The following FAM83B variants were observed in gnomAD, a reference collection of about 807,000 sequenced individuals.
FAM83B encodes scaffolding CK1 anchoring protein B.
Under a neutral mutation model 38.8 loss-of-function variants are expected in FAM83B, and 26 were observed. That is an observed-to-expected ratio of 0.67 (90% CI 0.49 to 0.93). FAM83B has a LOEUF of 0.93. Among genes scored for constraint, FAM83B ranks in the 40% least tolerant of loss-of-function variants. FAM83B has a pLI of 0.00. For missense variants in FAM83B, 1,237 were observed against 1,197.3 expected, an observed-to-expected ratio of 1.03 and a Z score of -0.49; for synonymous variants, 419 against 423.1, an observed-to-expected ratio of 0.99 and a Z score of 0.12.
intron 2 of FAM83B, among the ~76,000 whole-genome samples, chr6:54,912,942 A>G (rs899937923): frequency 2.0e-5 from 3 of 152,092 alleles, no homozygotes; most frequent in African/African-American, 7.2e-5. Context: ...ATTACATTAA[A>G]TACAAAATTG....
At chr6:54,867,002 A>G (rs924561012) in intron 1 of FAM83B, among the ~76,000 whole-genome samples, 3 of 151,866 alleles carry the variant, frequency 2.0e-5, no homozygotes, top group African/African-American at 7.2e-5. Context: ...ATGGATTTGT[A>G]AGGCCACTTT....
chr6:54,924,785 C>A (rs970416296), intron 2 of FAM83B, among the ~76,000 whole-genome samples: 1 of 152,004 alleles, frequency 6.6e-6, no homozygotes, highest in Non-Finnish European at 1.5e-5. Flanking sequence ...CTCTTTTCAT[C>A]CCTGACACTA....
chr6:54,944,039 T>A lies in FAM83B; in HGVS notation c.*2032T>A, dbSNP rs1358537847. The A allele has an allele frequency of 6.6e-6, 1 of 152,196 alleles. No individual in the cohort carries two copies. The highest frequency in any genetic ancestry group is 1.5e-5 in the Non-Finnish European group (1 of 68,034). 9.4% of individuals were successfully genotyped at this position (152,196 alleles called of 1,614,324 possible). On this transcript the variant is annotated 3_prime_UTR_variant, in exon 5 of 5. Transcript: ENST00000306858. ...GTGACTTAGGCTTTGCACAGCAGATTTATTTTTCTCTGCGTTTTTTAAAAA... is the reference window on the plus strand; with the variant it reads ...GTGACTTAGGCTTTGCACAGCAGATATATTTTTCTCTGCGTTTTTTAAAAA...
rs150401754 is a variant in FAM83B, at chr6:54,896,324, G to A, written c.444+25634G>A. Among the ~76,000 whole-genome samples, 752 of 152,214 alleles carry A rather than the reference G, an allele frequency of 4.9e-3. 3 individuals are homozygous for A. Among genetic ancestry groups the A allele is most frequent in the Admixed American group, 7.6e-3 (116 of 15,292 alleles). ...TTGGCTACCTTGTAGCATCCATCTC[G>A]AATGATGCAAAAAACAAGAAATGAA... is the stretch of plus-strand genomic sequence containing the variant. On this transcript the variant is annotated intron_variant, in intron 2 of 4. Coordinates refer to ENST00000306858, the MANE Select transcript of FAM83B (RefSeq NM_001010872.3).
Position 54,941,409 on chromosome 6 carries a change from A to T in FAM83B, c.2438A>T (p.Glu813Val). ...SSDTLVSEGE[E>V]NQKPKKSDTK... ...GACACATTAGTTTCTGAGGGTGAAG[A>T]AAATCAAAAACCAAAGAAATCAGAC... Residue 813 changes from glutamate to valine, a missense_variant, in exon 5 of 5, where the codon GAA becomes GTA. Transcript: ENST00000306858. 1 of 1,613,144 alleles carries T rather than the reference A, an allele frequency of 6.2e-7. No homozygotes were observed. Among genetic ancestry groups the T allele is most frequent in the Non-Finnish European group, 8.5e-7 (1 of 1,179,814 alleles).
Position 54,940,028 on chromosome 6 carries a change from A to G in FAM83B, c.1057A>G (p.Ile353Val), listed in dbSNP as rs1409532827. Reference protein sequence around the residue: ...YTLNEHDKYNIRSHGYKPHFV... With the variant: ...YTLNEHDKYNVRSHGYKPHFV... ...TTTAAATGAACATGACAAATATAAC[A>G]TAAGAAGTCACGGATACAAACCTCA... The change falls in exon 5 of 5, where the codon ATA (isoleucine) becomes GTA (valine). Residue 353 changes from isoleucine to valine, a missense_variant. Transcript: ENST00000306858. 1 of 1,614,040 alleles carries G rather than the reference A, an allele frequency of 6.2e-7. No individual in the cohort carries two copies. The highest frequency in any genetic ancestry group is 8.5e-7 in the Non-Finnish European group (1 of 1,179,978).
At chr6:54,908,138 A>C (rs1193163058) in intron 2 of FAM83B, among the ~76,000 whole-genome samples, 1 of 151,850 alleles carries the variant, frequency 6.6e-6, no homozygotes, top group Non-Finnish European at 1.5e-5. Flanking sequence ...ATGGAAAAAA[A>C]AAAAAAAAAA....
At chr6:54,859,052 C>T (rs1002699756) in intron 1 of FAM83B, among the ~76,000 whole-genome samples, 9 of 151,842 alleles carry the variant, frequency 5.9e-5, no homozygotes, top group African/African-American at 2.2e-4. Flanking sequence ...CCCCCGACAC[C>T]GTGCCCACCC....
At chr6:54,922,734 T>TTTTG (rs1773199251) in intron 2 of FAM83B, among the ~76,000 whole-genome samples, 1 of 152,086 alleles carries the variant, frequency 6.6e-6, no homozygotes, top group Non-Finnish European at 1.5e-5. Context: ...TGGTCCAGTA[T>TTTTG]TTTGTTTAAA....
chr6:54,934,439 G>A (rs1220159072), intron 4 of FAM83B, among the ~76,000 whole-genome samples: 4 of 152,074 alleles, frequency 2.6e-5, no homozygotes, highest in Non-Finnish European at 1.5e-5. Flanking sequence ...GAGAATCCCC[G>A]ACTATCAATA....
chr6:54,906,184 A>G (rs1772772859), intron 2 of FAM83B, among the ~76,000 whole-genome samples: 1 of 152,152 alleles, frequency 6.6e-6, no homozygotes, highest in Non-Finnish European at 1.5e-5. Context: ...AAGGACCACA[A>G]GATATAGAGT....
intron 4 of FAM83B, among the ~76,000 whole-genome samples, chr6:54,934,510 A>G (rs1215801544): frequency 1.3e-5 from 2 of 152,088 alleles, no homozygotes; most frequent in African/African-American, 4.8e-5. Flanking sequence ...TCTCCAAAAG[A>G]TTGTCAAAGG....
At chr6:54,872,803 A>G (rs1363460128) in intron 2 of FAM83B, among the ~76,000 whole-genome samples, 1 of 152,208 alleles carries the variant, frequency 6.6e-6, no homozygotes, top group Non-Finnish European at 1.5e-5. Context: ...ACTGTAAAAC[A>G]GTAATGTGAT....
chr6:54,860,856 C>G (rs1163459962), intron 1 of FAM83B, among the ~76,000 whole-genome samples: 2 of 152,180 alleles, frequency 1.3e-5, no homozygotes, highest in Admixed American at 6.5e-5. Flanking sequence ...AGTGTTTCAT[C>G]AAAATGTAAA....
At chr6:54,868,125 A>T (rs1771762121) in intron 1 of FAM83B, among the ~76,000 whole-genome samples, 2 of 152,148 alleles carry the variant, frequency 1.3e-5, no homozygotes, top group African/African-American at 4.8e-5. Context: ...GCAAAAGAGA[A>T]CTTCAATGAG....
intron 2 of FAM83B, among the ~76,000 whole-genome samples, chr6:54,883,164 C>G (rs1047199511): frequency 1.3e-5 from 2 of 151,982 alleles, no homozygotes; most frequent in African/African-American, 4.8e-5. Flanking sequence ...AGGATGGTCT[C>G]TATCTCCTGA....
At chr6:54,931,625 C>G (rs1259378724) in intron 4 of FAM83B, among the ~76,000 whole-genome samples, 1 of 151,832 alleles carries the variant, frequency 6.6e-6, no homozygotes, top group Non-Finnish European at 1.5e-5. Flanking sequence ...TTCCTGCTTT[C>G]TCTTTTGGTT....
chr6:54,876,400 T>A lies in FAM83B; in HGVS notation c.444+5710T>A, dbSNP rs1467194512. Among the ~76,000 whole-genome samples, 4 of 147,464 alleles carry A rather than the reference T, an allele frequency of 2.7e-5. No homozygotes were observed. In the East Asian group the frequency reaches 7.9e-4, roughly 29 times the overall value. ...GTGAAATGTCACAATCTCGGCTCAC[T>A]GCAACCTCTGTCCCCCCAGGTTCAA... On this transcript the variant is annotated intron_variant, in intron 2 of 4. Coordinates refer to ENST00000306858, the MANE Select transcript of FAM83B (RefSeq NM_001010872.3).
intron 4 of FAM83B, 64 bp from the exon 5 acceptor site, chr6:54,939,642 T>A (rs1773608604): frequency 1.4e-6 from 2 of 1,401,040 alleles, no homozygotes; most frequent in African/African-American, 1.5e-5. Context: ...ATACTTTTTT[T>A]AGTAGAACTA....
Sources: gnomAD v4.1 joint callset for allele counts (sites outside exome capture counted in the v4.1 genomes callset) on GRCh38, gnomAD v4.1.1 for gene constraint, MANE v1.5 for transcripts, NCBI Gene and HGNC (gene_info 2026-07-23, HGNC 2026-07-21) for gene names.